The following LACTB2 variants were observed in gnomAD, a reference collection of about 807,000 sequenced individuals.
The protein encoded by LACTB2 is lactamase beta 2, also known as endoribonuclease LACTB2.
Under a neutral mutation model 34.8 loss-of-function variants are expected in LACTB2, and 32 were observed. That is an observed-to-expected ratio of 0.92 (90% CI 0.69 to 1.24). LACTB2 has a LOEUF of 1.24. Ranked by LOEUF, LACTB2 falls within the 50% of genes most tolerant of loss-of-function variation. The pLI, the probability that LACTB2 is intolerant of heterozygous loss-of-function variation, is 0.00. For missense variants in LACTB2, 320 were observed against 345.0 expected, an observed-to-expected ratio of 0.93 and a Z score of 0.57; for synonymous variants, 120 against 117.5, an observed-to-expected ratio of 1.02 and a Z score of -0.14.
In LACTB2 at chr8:70,644,172, G is replaced by C. The variant is rs757677294; in HGVS notation, c.485C>G (p.Ser162Cys). 9.9e-6 allele frequency: 16 copies of C among 1,612,840 alleles called. No homozygotes were observed. The highest frequency in any genetic ancestry group is 1.4e-5 in the Non-Finnish European group (16 of 1,179,166). ...TCCTTCCCCTAGGATGCAATCTCCA[G>C]AAAAGATAGCATTTTCCTCTTCTAA... The part of the protein sequence containing the change: ...LLLEEENAIF[S>C]GDCILGEGTT... The change falls in exon 4 of 7, where the codon TCT (serine) becomes TGT (cysteine). Residue 162 changes from serine (S) to cysteine (C), a missense_variant. Coordinates refer to ENST00000276590, the MANE Select transcript of LACTB2 (RefSeq NM_016027.3).
chr8:70,663,019 A>T (rs898352959), intron 1 of LACTB2: 1 of 152,188 alleles, frequency 6.6e-6, no homozygotes, highest in Non-Finnish European at 1.5e-5. Context: ...TTCTTCACTC[A>T]TACTGTTTCA....
chr8:70,663,652 A>C (rs1188471106), intron 1 of LACTB2, among the ~76,000 whole-genome samples: 1 of 151,574 alleles, frequency 6.6e-6, no homozygotes, highest in Non-Finnish European at 1.5e-5. Flanking sequence ...ACAGTTGGCG[A>C]CTCTGAGGTT....
chr8:70,669,143 C>T lies in LACTB2; in HGVS notation c.-23G>A. ...CATTCCCGCCTCAGCCGCCCGCCGG[C>T]GTGTCGCCTATCTGGATACTCCAGC... On this transcript the variant is annotated 5_prime_UTR_variant, in exon 1 of 7. Transcript: ENST00000276590. 1 of 1,611,082 alleles carries T rather than the reference C, an allele frequency of 6.2e-7. No homozygotes were observed. The highest frequency in any genetic ancestry group is 8.5e-7 in the Non-Finnish European group (1 of 1,178,782).
At chr8:70,650,752 A>G (rs536776881) in intron 3 of LACTB2, among the ~76,000 whole-genome samples, 2,875 of 148,242 alleles carry the variant, frequency 0.019, 110 homozygotes, top group African/African-American at 0.068. Context: ...AAAAAAAAAA[A>G]AAAAAAGAAA....
chr8:70,668,858 C>T (rs2132084793), intron 1 of LACTB2, 141 bp downstream of exon 1: 3 of 1,154,334 alleles, frequency 2.6e-6, no homozygotes, highest in Non-Finnish European at 3.6e-6. Context: ...TGCGTGCAGT[C>T]CCGACGGGGC....
chr8:70,658,974 C>G (rs1053175511), intron 2 of LACTB2, among the ~76,000 whole-genome samples: 15 of 152,098 alleles, frequency 9.9e-5, no homozygotes, highest in African/African-American at 3.6e-4. Flanking sequence ...TTGCAGTGAG[C>G]CAAGATCACG....
chr8:70,652,479 A>T (rs192955236), intron 3 of LACTB2: 200 of 152,340 alleles, frequency 1.3e-3, no homozygotes, highest in African/African-American at 4.4e-3. Flanking sequence ...AGTCATTTTT[A>T]AAATGTGTCT....
rs114005446 is a variant in LACTB2, at chr8:70,649,221, A to G, written c.414-4978T>C. On this transcript the variant is annotated intron_variant, in intron 3 of 6. Transcript: ENST00000276590. ...GGGCACTGGAGAAAGGAGATCCAAC[A>G]CTGGAGAGAGGCAAAGGGAAGCCCC... 5.2e-3 allele frequency among the ~76,000 whole-genome samples: 799 copies of G among 152,250 alleles called. 7 individuals are homozygous for G. Among genetic ancestry groups the G allele is most frequent in the African/African-American group, 0.017 (714 of 41,546 alleles).
At chr8:70,642,504 C>CTTT (rs35951740) in intron 4 of LACTB2, among the ~76,000 whole-genome samples, 143 of 130,300 alleles carry the variant, frequency 1.1e-3, no homozygotes, top group African/African-American at 2.4e-3. Context: ...TCTTTCTTAG[C>CTTT]TTTTTTTTTT....
In LACTB2 at chr8:70,637,296, A is replaced by G. The variant is rs927909303; in HGVS notation, c.*564T>C. 2.6e-5 allele frequency: 4 copies of G among 152,212 alleles called. No individual in the cohort carries two copies. Among genetic ancestry groups the G allele is most frequent in the African/African-American group, 2.4e-5 (1 of 41,468 alleles). The allele number at this position is 152,212 out of a possible 1,614,324, so 9.4% of individuals were successfully genotyped here. A position where few individuals can be genotyped will look rare whatever the true frequency, so the allele number is the denominator to read the frequency against. On this transcript the variant is annotated 3_prime_UTR_variant, in exon 7 of 7. Transcript: ENST00000276590. Reference sequence around the variant, plus strand: ...TAAATTGGGAATTTAATATTTTTCAATCACCAAAAATTCATTTGCATGAAT... The same window carrying G: ...TAAATTGGGAATTTAATATTTTTCAGTCACCAAAAATTCATTTGCATGAAT...
chr8:70,665,652 G>A (rs1818526523), intron 1 of LACTB2, among the ~76,000 whole-genome samples: 1 of 152,148 alleles, frequency 6.6e-6, no homozygotes, highest in African/African-American at 2.4e-5. Context: ...AAAATCCAAT[G>A]AGGTAGGTAC....
At position 70,661,902 on chromosome 8, in the gene LACTB2, A is replaced by T; in HGVS notation, c.123-5T>A. 1 of 1,595,528 alleles carries T rather than the reference A, an allele frequency of 6.3e-7. No individual in the cohort carries two copies. The highest frequency in any genetic ancestry group is 8.5e-7 in the Non-Finnish European group (1 of 1,171,330). ...CCAGTGTCAATGAGGATTCTCCTGA[A>T]AATTAAATGGAAGATAATCACACAA... On this transcript the variant is annotated splice_polypyrimidine_tract_variant and splice_region_variant and intron_variant, in intron 1 of 6. Coordinates refer to ENST00000276590, the MANE Select transcript of LACTB2 (RefSeq NM_016027.3).
intron 1 of LACTB2, among the ~76,000 whole-genome samples, chr8:70,663,764 T>G (rs1328512022): frequency 5.9e-5 from 9 of 152,212 alleles, no homozygotes; most frequent in African/African-American, 2.2e-4. Flanking sequence ...TCTGATGCTA[T>G]TCCTAGCCAT....
At position 70,637,595 on chromosome 8, in the gene LACTB2, TTTTA is replaced by T. The variant is rs1818139492; in HGVS notation, c.*261_*264del. On this transcript the variant is annotated 3_prime_UTR_variant, in exon 7 of 7. Transcript: ENST00000276590. Reference sequence around the variant, plus strand: ...AATTTTATTATTTTTAAAGTAATCATTTTATTTAATCTATTGAAAACTGATAAAC... The same window carrying T: ...AATTTTATTATTTTTAAAGTAATCATTTTAATCTATTGAAAACTGATAAAC... 2 of 224,052 alleles carry T rather than the reference TTTTA, an allele frequency of 8.9e-6. No homozygotes were observed. The highest frequency in any genetic ancestry group is 1.7e-5 in the Non-Finnish European group (2 of 115,004). The allele number at this position is 224,052 out of a possible 1,614,324, so 13.9% of individuals were successfully genotyped here. A position where few individuals can be genotyped will look rare whatever the true frequency, so the allele number is the denominator to read the frequency against.
At chr8:70,654,375 G>C (rs1818382622) in intron 3 of LACTB2, among the ~76,000 whole-genome samples, 1 of 151,674 alleles carries the variant, frequency 6.6e-6, no homozygotes, top group Non-Finnish European at 1.5e-5. Context: ...GTCAGACTGT[G>C]GTATGGTAAA....
intron 6 of LACTB2, 145 bp from the exon 7 acceptor site, chr8:70,638,048 A>G (rs1476138416): frequency 2.2e-6 from 1 of 459,442 alleles, no homozygotes; most frequent in South Asian, 6.1e-5. Flanking sequence ...TGGTACATGT[A>G]AAAACATTGC....
chr8:70,669,041 G>A lies in LACTB2; in HGVS notation c.80C>T (p.Thr27Ile). 6.2e-7 allele frequency: 1 copy of A among 1,609,478 alleles called. No homozygotes were observed. Among genetic ancestry groups the A allele is most frequent in the Non-Finnish European group, 8.5e-7 (1 of 1,178,268 alleles). The change falls in exon 1 of 7, where the codon ACC becomes ATC. Residue 27 changes from threonine to isoleucine, a missense_variant. By Grantham distance (89) the Thr-to-Ile change is moderately conservative. Transcript: ENST00000276590. ...TAGGTAGGTGTTGGTGCCTTGGAGG[G>A]TCATGGGACCCGGGTTACAGCCCAA... ...RVLGCNPGPMTLQGTNTYLVG... is the reference protein window; with the variant it reads ...RVLGCNPGPMILQGTNTYLVG...
chr8:70,662,178 T>C (rs1328200322), intron 1 of LACTB2: 6 of 227,624 alleles, frequency 2.6e-5, no homozygotes, highest in Non-Finnish European at 4.3e-5. Flanking sequence ...TTCCAAGGAC[T>C]TTACATATTT....
intron 2 of LACTB2, chr8:70,660,384 C>T (rs1421670451): frequency 5.6e-6 from 2 of 355,972 alleles, no homozygotes; most frequent in Admixed American, 7.7e-5. Context: ...TACACAGTCC[C>T]CTTAGATTGG....
Sources: gnomAD v4.1 joint callset for allele counts (sites outside exome capture counted in the v4.1 genomes callset) on GRCh38, gnomAD v4.1.1 for gene constraint, MANE v1.5 for transcripts, NCBI Gene and HGNC (gene_info 2026-07-23, HGNC 2026-07-21) for gene names.